Variants in SLC25A48 observed in about 807,000 individuals in gnomAD.
The protein encoded by SLC25A48 is solute carrier family 25 member 48.
SLC25A48 carries 29 observed loss-of-function variants against 32.2 expected under a neutral mutation model. The observed-to-expected ratio is 0.90, with a 90% CI of 0.67 to 1.23. The LOEUF (loss-of-function observed/expected upper bound fraction) is 1.23, where lower values mean the gene tolerates loss of function less well. SLC25A48 is among the 50% of genes most tolerant of loss of function. The probability of loss-of-function intolerance (pLI) is 0.00; values close to 1 mark genes in which losing one functional copy is unlikely to be tolerated. For missense variants in SLC25A48, 399 were observed against 422.7 expected (o/e 0.94, Z 0.49); for synonymous variants, 164 against 172.3 (o/e 0.95, Z 0.38).
intron 3 of SLC25A48, chr5:135,649,126 G>A (rs1418997751): frequency 2.0e-5 from 3 of 152,278 alleles, no homozygotes; most frequent in African/African-American, 4.8e-5. Flanking sequence ...TTTATGGGAA[G>A]ATGGAGTAGA....
At chr5:135,715,332 G>A (rs1431582518) in intron 3 of SLC25A48, among the ~76,000 whole-genome samples, 2 of 152,228 alleles carry the variant, frequency 1.3e-5, no homozygotes, top group African/African-American at 2.4e-5. Context: ...GATGAAGTGA[G>A]TGGGGACTTC....
chr5:135,718,446 T>A (rs558957913), intron 3 of SLC25A48, among the ~76,000 whole-genome samples: 31 of 152,334 alleles, frequency 2.0e-4, no homozygotes, highest in South Asian at 1.0e-3. Context: ...TCTTTGAGGA[T>A]CACCTTGTTA....
intron 4 of SLC25A48, among the ~76,000 whole-genome samples, chr5:135,823,568 C>T (rs112846856): frequency 1.3e-4 from 20 of 152,310 alleles, no homozygotes; most frequent in African/African-American, 4.6e-4. Context: ...TTTTTCTAGG[C>T]CTTCGGGACA....
At chr5:135,863,894 C>T (rs746965615) in intron 4 of SLC25A48, among the ~76,000 whole-genome samples, 2 of 152,026 alleles carry the variant, frequency 1.3e-5, no homozygotes, top group African/African-American at 2.4e-5. Context: ...AAGGAAAAGG[C>T]GTTCATTTCC....
intron 3 of SLC25A48, among the ~76,000 whole-genome samples, chr5:135,793,379 C>T (rs1007118449): frequency 1.3e-5 from 2 of 151,540 alleles, no homozygotes; most frequent in African/African-American, 4.8e-5. Flanking sequence ...GGATATTATT[C>T]GTAGTATTTT....
chr5:135,758,660 A>G (rs893879550), intron 3 of SLC25A48, among the ~76,000 whole-genome samples: 8 of 150,730 alleles, frequency 5.3e-5, no homozygotes, highest in Non-Finnish European at 1.2e-4. Context: ...GTGTTAACAC[A>G]CTATGATATT....
intron 3 of SLC25A48, among the ~76,000 whole-genome samples, chr5:135,728,452 A>G (rs1044116727): frequency 6.6e-6 from 1 of 152,106 alleles, no homozygotes; most frequent in Non-Finnish European, 1.5e-5. Flanking sequence ...TTCCGTGGTG[A>G]TAGTTGTAAT....
chr5:135,840,939 T>C (rs1203654943), intron 1 of SLC25A48, among the ~76,000 whole-genome samples: 1 of 152,166 alleles, frequency 6.6e-6, no homozygotes. Flanking sequence ...TATGTAGGAA[T>C]TGAATTGTTG....
chr5:135,600,889 A>G (rs1751782371), intron 1 of SLC25A48, among the ~76,000 whole-genome samples: 1 of 147,292 alleles, frequency 6.8e-6, no homozygotes, highest in Admixed American at 6.8e-5. Flanking sequence ...ACAGGGTTTC[A>G]CCATGTTTGC....
At chr5:135,858,919 A>G (rs1396911380) in intron 4 of SLC25A48, among the ~76,000 whole-genome samples, 1 of 151,966 alleles carries the variant, frequency 6.6e-6, no homozygotes, top group Non-Finnish European at 1.5e-5. Flanking sequence ...TGGGGGAAGG[A>G]ATTTGGTGGC....
At chr5:135,828,451 C>T (rs1373701985) in intron 4 of SLC25A48, among the ~76,000 whole-genome samples, 2 of 152,192 alleles carry the variant, frequency 1.3e-5, no homozygotes, top group Non-Finnish European at 2.9e-5. Context: ...TGTCCAGGTG[C>T]AGTGGATTAA....
intron 1 of SLC25A48, among the ~76,000 whole-genome samples, chr5:135,617,849 T>C (rs754270142): frequency 6.6e-6 from 1 of 152,036 alleles, no homozygotes; most frequent in African/African-American, 2.4e-5. Flanking sequence ...TTTTGAGACT[T>C]GTTTTGTGCC....
At chr5:135,635,955 C>A (rs1265485063) in intron 3 of SLC25A48, among the ~76,000 whole-genome samples, 2 of 152,172 alleles carry the variant, frequency 1.3e-5, no homozygotes, top group African/African-American at 4.8e-5. Context: ...GAAAATTATA[C>A]CCAGCCAGAG....
chr5:135,882,615 C>T (rs1164051848), intron 7 of SLC25A48, among the ~76,000 whole-genome samples: 2 of 152,136 alleles, frequency 1.3e-5, no homozygotes, highest in Non-Finnish European at 2.9e-5. Flanking sequence ...ATGGAGATAT[C>T]CCCCAGCTTT....
intron 3 of SLC25A48, among the ~76,000 whole-genome samples, chr5:135,737,039 AG>A (rs1755379272): frequency 6.6e-6 from 1 of 152,006 alleles, no homozygotes; most frequent in Non-Finnish European, 1.5e-5. Context: ...AGGAGGACAG[AG>A]GATTGATCTC....
chr5:135,883,827 A>G (rs1394561395), intron 7 of SLC25A48, among the ~76,000 whole-genome samples: 1 of 152,204 alleles, frequency 6.6e-6, no homozygotes, highest in African/African-American at 2.4e-5. Flanking sequence ...CTTGATCCAC[A>G]GTCTGGCTTC....
At chr5:135,697,320 T>C (rs1198503948) in intron 3 of SLC25A48, among the ~76,000 whole-genome samples, 1 of 151,506 alleles carries the variant, frequency 6.6e-6, no homozygotes, top group Non-Finnish European at 1.5e-5. Context: ...TCCACAGTGC[T>C]ATCTCAGCTT....
intron 3 of SLC25A48, among the ~76,000 whole-genome samples, chr5:135,729,850 A>T (rs1430176552): frequency 6.6e-6 from 1 of 152,190 alleles, no homozygotes; most frequent in Admixed American, 6.5e-5. Flanking sequence ...GTAATAGCTA[A>T]TTGGCCTTGT....
chr5:135,806,537 G>T (rs749533098), intron 3 of SLC25A48, among the ~76,000 whole-genome samples: 14 of 150,184 alleles, frequency 9.3e-5, no homozygotes, highest in Non-Finnish European at 1.0e-4. Flanking sequence ...TAAATATCAA[G>T]ATATTTTATT....
Sources: gnomAD v4.1 joint callset for allele counts (sites outside exome capture counted in the v4.1 genomes callset) on GRCh38, gnomAD v4.1.1 for gene constraint, MANE v1.5 for transcripts, NCBI Gene and HGNC (gene_info 2026-07-23, HGNC 2026-07-21) for gene names.